The following CSMD3 variants were observed in gnomAD, a reference collection of about 807,000 sequenced individuals.
The protein encoded by CSMD3 is CUB and sushi domain-containing protein 3.
In CSMD3, 177 loss-of-function variants were observed where a neutral mutation model predicts 435.2. That is an observed-to-expected ratio of 0.41 (90% CI 0.36 to 0.46). CSMD3 has a LOEUF of 0.46. CSMD3 is among the 20% of genes least tolerant of loss of function. The pLI is 0.34. For missense variants in CSMD3, 4,265 were observed against 4,504.6 expected, an observed-to-expected ratio of 0.95 and a Z score of 1.52; for synonymous variants, 1,656 against 1,520.5, an observed-to-expected ratio of 1.09 and a Z score of -2.07.
At chr8:113,162,140 A>C (rs1465342790) in intron 4 of CSMD3, among the ~76,000 whole-genome samples, 3 of 152,136 alleles carry the variant, frequency 2.0e-5, no homozygotes, top group Non-Finnish European at 4.4e-5. Context: ...AAAATTAAAA[A>C]TGTTTGATTG....
intron 38 of CSMD3, among the ~76,000 whole-genome samples, chr8:112,353,647 G>C (rs2131071167): frequency 1.3e-5 from 2 of 152,086 alleles, no homozygotes; most frequent in South Asian, 2.1e-4. Flanking sequence ...TCCCAAGATA[G>C]TATCAGTGAG....
chr8:112,731,446 T>C (rs1587109582), intron 13 of CSMD3, among the ~76,000 whole-genome samples: 1 of 152,196 alleles, frequency 6.6e-6, no homozygotes, highest in African/African-American at 2.4e-5. Context: ...TGGATTTTCA[T>C]GCTAGCAGTA....
intron 13 of CSMD3, among the ~76,000 whole-genome samples, chr8:112,744,037 T>A (rs953158719): frequency 6.6e-6 from 1 of 152,056 alleles, no homozygotes; most frequent in Non-Finnish European, 1.5e-5. Context: ...ATACTAAATA[T>A]AATTTTTATG....
At chr8:112,246,016 T>C (rs1341137863) in intron 64 of CSMD3, among the ~76,000 whole-genome samples, 1 of 152,162 alleles carries the variant, frequency 6.6e-6, no homozygotes, top group Non-Finnish European at 1.5e-5. Context: ...TAAACTATCA[T>C]ATCCCAACTA....
intron 3 of CSMD3, among the ~76,000 whole-genome samples, chr8:113,210,614 A>C (rs1318844469): frequency 2.0e-5 from 3 of 152,118 alleles, no homozygotes; most frequent in Non-Finnish European, 4.4e-5. Context: ...GCAGTGGCTT[A>C]GACCTGTAAT....
At chr8:113,048,694 T>C (rs2087949927) in intron 5 of CSMD3, among the ~76,000 whole-genome samples, 1 of 152,218 alleles carries the variant, frequency 6.6e-6, no homozygotes, top group Non-Finnish European at 1.5e-5. Context: ...TGGACCTACA[T>C]TATCCTTGTG....
intron 32 of CSMD3, among the ~76,000 whole-genome samples, chr8:112,432,722 G>A: frequency 6.6e-6 from 1 of 152,064 alleles, no homozygotes; most frequent in East Asian, 1.9e-4. Flanking sequence ...GAAAGAGAAA[G>A]TAAGTATGAA....
chr8:112,710,571 C>T (rs577346217), intron 13 of CSMD3, among the ~76,000 whole-genome samples: 1 of 151,320 alleles, frequency 6.6e-6, no homozygotes, highest in African/African-American at 2.4e-5. Context: ...TATTTATTAA[C>T]ATTTGGTTTT....
rs189527452 is a variant in CSMD3 at position 113,258,977 on chromosome 8, T to C, written c.514+19615A>G. Among the ~76,000 whole-genome samples, 3 of 152,276 alleles carry C rather than the reference T, an allele frequency of 2.0e-5. No homozygotes were observed. The East Asian group carries it at 5.8e-4, about 29-fold the overall frequency. On this transcript the variant is annotated intron_variant, in intron 3 of 70. Coordinates refer to ENST00000297405, the MANE Select transcript of CSMD3 (RefSeq NM_198123.2). ...GAATGAAAGAAAATCCCAATGTTTT[T>C]GGATGTGAACAATTAAACACATGAT...
At chr8:112,415,023 A>T (rs769684386) in intron 32 of CSMD3, among the ~76,000 whole-genome samples, 2 of 152,150 alleles carry the variant, frequency 1.3e-5, no homozygotes, top group African/African-American at 2.4e-5. Flanking sequence ...GAAAATAAAA[A>T]CCTATTTTCT....
chr8:112,652,671 C>T (rs2075157096), intron 18 of CSMD3, among the ~76,000 whole-genome samples: 3 of 151,916 alleles, frequency 2.0e-5, no homozygotes, highest in Admixed American at 2.0e-4. Context: ...GATTGACAAG[C>T]AAATAACTCA....
rs746552890 is a variant in CSMD3, at chr8:112,392,663, C to CT, written c.5810-1876dup. ...CCGCCACAACTTTTCCTCATACGTA[C>CT]TTTTTTTTTTTCTGAGTTACTACAT... On this transcript the variant is annotated intron_variant, in intron 35 of 70. Coordinates refer to ENST00000297405, the MANE Select transcript of CSMD3 (RefSeq NM_198123.2). 1.3e-3 allele frequency among the ~76,000 whole-genome samples: 194 copies of CT among 147,494 alleles called. 3 individuals carry two copies. In the East Asian group the frequency reaches 0.023, roughly 17 times the overall value.
intron 57 of CSMD3, among the ~76,000 whole-genome samples, chr8:112,287,546 T>C (rs1158159423): frequency 6.6e-6 from 1 of 152,138 alleles, no homozygotes; most frequent in Non-Finnish European, 1.5e-5. Flanking sequence ...TAATGGAAAA[T>C]GTGTAACTGA....
At chr8:112,237,404 G>C (rs2129996233) in intron 66 of CSMD3, 56 bp from the exon 67 acceptor site, 1 of 1,233,468 alleles carries the variant, frequency 8.1e-7, no homozygotes, top group Non-Finnish European at 1.2e-6. Flanking sequence ...ATAAATATAA[G>C]CATTAAATAG....
chr8:112,708,649 T>TC (rs1304244563), intron 13 of CSMD3, among the ~76,000 whole-genome samples: 63 of 141,588 alleles, frequency 4.4e-4, no homozygotes, highest in African/African-American at 1.4e-3. Context: ...TAATGCTTCT[T>TC]TTTTTTTTTT....
chr8:112,590,731 T>A (rs895449241), intron 22 of CSMD3, among the ~76,000 whole-genome samples: 17 of 151,816 alleles, frequency 1.1e-4, no homozygotes, highest in Admixed American at 2.0e-4. Flanking sequence ...TTATAAAATT[T>A]TTTGAGATTT....
chr8:113,101,925 AAAC>A (rs1414078195), intron 4 of CSMD3, among the ~76,000 whole-genome samples: 2 of 152,274 alleles, frequency 1.3e-5, no homozygotes, highest in Admixed American at 6.5e-5. Flanking sequence ...ATTTTAAAAA[AAAC>A]AACAACATAT....
At chr8:112,780,048 T>C (rs75485837) in intron 13 of CSMD3, among the ~76,000 whole-genome samples, 2 of 152,114 alleles carry the variant, frequency 1.3e-5, no homozygotes, top group South Asian at 2.1e-4. Context: ...CTATATCATA[T>C]TTAAAATTAA....
chr8:112,279,017 AACAACAACAACAACAAC>A (rs1818367388), intron 59 of CSMD3, among the ~76,000 whole-genome samples: 2 of 24,202 alleles, frequency 8.3e-5, no homozygotes, highest in African/African-American at 5.1e-4. Context: ...CCCAAAAAAC[AACAACAACAACAACAAC>A]AACAACAACA....
Sources: allele counts gnomAD v4.1 joint callset (sites outside exome capture counted in the v4.1 genomes callset), GRCh38; gene constraint gnomAD v4.1.1; transcripts MANE v1.5; gene names NCBI Gene and HGNC (gene_info 2026-07-23, HGNC 2026-07-21).